Variants in HEPHL1 observed in about 807,000 individuals in gnomAD.
HEPHL1 encodes the protein hephaestin like 1, also known as ferroxidase HEPHL1.
HEPHL1 carries 123 observed loss-of-function variants against 122.0 expected under a neutral mutation model. The ratio of observed to expected loss-of-function variants is 1.01; its 90% CI spans 0.87 to 1.17. The LOEUF (loss-of-function observed/expected upper bound fraction) is 1.17. Ranked by LOEUF, HEPHL1 falls within the 50% of genes most tolerant of loss-of-function variation. The pLI, the probability that HEPHL1 is intolerant of heterozygous loss-of-function variation, is 0.00. For synonymous variants in HEPHL1, 527 were observed against 508.9 expected (o/e 1.04, Z -0.48); for missense variants, 1,452 against 1,430.5 (o/e 1.01, Z -0.24).
chr11:94,101,089 C>A (rs1946363878), intron 13 of HEPHL1, 106 bp from the exon 14 acceptor site: 1 of 1,297,280 alleles, frequency 7.7e-7, no homozygotes, highest in Non-Finnish European at 1.1e-6. Context: ...CTCGGAAAAA[C>A]AACTAAAGCC....
chr11:94,037,229 G>A (rs1264280295), intron 1 of HEPHL1, among the ~76,000 whole-genome samples: 1 of 152,126 alleles, frequency 6.6e-6, no homozygotes, highest in Non-Finnish European at 1.5e-5. Flanking sequence ...CGCCCACGGA[G>A]TCTCGCTGAT....
intron 2 of HEPHL1, chr11:94,054,914 CA>C (rs1945923247): frequency 6.6e-6 from 1 of 152,310 alleles, no homozygotes; most frequent in East Asian, 1.9e-4. Context: ...CACTTTAAGC[CA>C]ATCATGAAAT....
chr11:94,103,139 C>A, intron 15 of HEPHL1, 119 bp downstream of exon 15: 1 of 664,566 alleles, frequency 1.5e-6, no homozygotes. Flanking sequence ...GCAAGGGTCT[C>A]ATACTATGGC....
intron 1 of HEPHL1, among the ~76,000 whole-genome samples, chr11:94,044,002 C>T (rs996139208): frequency 6.6e-6 from 1 of 151,790 alleles, no homozygotes; most frequent in Non-Finnish European, 1.5e-5. Flanking sequence ...AAGATGTGGC[C>T]TCTTACCCCC....
At chr11:94,028,767 A>T (rs1945647448) in intron 1 of HEPHL1, among the ~76,000 whole-genome samples, 1 of 152,196 alleles carries the variant, frequency 6.6e-6, no homozygotes, top group African/African-American at 2.4e-5. Context: ...AATATACTCC[A>T]TTTAAATTGG....
intron 13 of HEPHL1, among the ~76,000 whole-genome samples, chr11:94,099,004 C>G (rs574794888): frequency 1.3e-5 from 2 of 152,324 alleles, no homozygotes; most frequent in South Asian, 2.1e-4. Flanking sequence ...AAGCCTTCTT[C>G]TCTCAACTCG....
chr11:94,042,883 A>AAAAAAAAAAAAAAAAC (rs1555058775), intron 1 of HEPHL1, among the ~76,000 whole-genome samples: 10 of 132,412 alleles, frequency 7.6e-5, no homozygotes, highest in Middle Eastern at 3.9e-3. Context: ...AATAAAAAAA[A>AAAAAAAAAAAAAAAAC]AAAAAAAAAA....
At chr11:94,105,421 GT>G (rs1406861415) in intron 16 of HEPHL1, among the ~76,000 whole-genome samples, 1 of 152,100 alleles carries the variant, frequency 6.6e-6, no homozygotes, top group African/African-American at 2.4e-5. Flanking sequence ...AGGTCATTTG[GT>G]TGCACCACAA....
intron 1 of HEPHL1, among the ~76,000 whole-genome samples, chr11:94,037,130 C>G (rs1328551319): frequency 6.6e-6 from 1 of 152,184 alleles, no homozygotes; most frequent in Non-Finnish European, 1.5e-5. Flanking sequence ...AAAATCGGGT[C>G]ACTCCCACCC....
At chr11:94,052,280 C>G (rs1025289443) in intron 2 of HEPHL1, among the ~76,000 whole-genome samples, 1 of 151,752 alleles carries the variant, frequency 6.6e-6, no homozygotes, top group Non-Finnish European at 1.5e-5. Flanking sequence ...TTTTTTTGTC[C>G]TCTTCAATTT....
At chr11:94,078,216 C>T (rs1431677739) in intron 9 of HEPHL1, among the ~76,000 whole-genome samples, 1 of 152,032 alleles carries the variant, frequency 6.6e-6, no homozygotes, top group Non-Finnish European at 1.5e-5. Context: ...CCATATTACA[C>T]ACATCTTAAA....
chr11:94,075,332 G>A lies in HEPHL1; in HGVS notation c.1663G>A (p.Val555Ile). 6.2e-7 allele frequency: 1 copy of A among 1,613,474 alleles called. No homozygotes were observed. Among genetic ancestry groups the A allele is most frequent in the Admixed American group, 1.7e-5 (1 of 59,918 alleles). Residue 555 changes from valine (V) to isoleucine (I), a missense_variant, in exon 9 of 20, where the codon GTA becomes ATA. Val to Ile is a conservative substitution (Grantham distance 29). Transcript: ENST00000315765. ...DPIKDTSSGL[V>I]GPLLVCKKGV... ...AATTAAGGACACCAGCTCTGGCCTG[G>A]TAGGGCCTTTGCTAGTCTGTAAAAA... is the stretch of plus-strand genomic sequence containing the variant.
At chr11:94,023,357 C>T in intron 1 of HEPHL1, among the ~76,000 whole-genome samples, 1 of 152,176 alleles carries the variant, frequency 6.6e-6, no homozygotes, top group East Asian at 1.9e-4. Context: ...TTCCTAGAAG[C>T]ATATTGAAAG....
intron 4 of HEPHL1, among the ~76,000 whole-genome samples, chr11:94,065,741 T>C (rs972017440): frequency 3.3e-5 from 5 of 152,214 alleles, no homozygotes; most frequent in African/African-American, 1.2e-4. Context: ...GGAGTGATGA[T>C]CTCAAATATT....
At chr11:94,096,451 T>C (rs956677869) in intron 13 of HEPHL1, among the ~76,000 whole-genome samples, 1 of 152,228 alleles carries the variant, frequency 6.6e-6, no homozygotes, top group Non-Finnish European at 1.5e-5. Flanking sequence ...TTTGCATCAA[T>C]GTTCATTAGG....
chr11:94,069,701 T>A (rs1352780291), intron 5 of HEPHL1, among the ~76,000 whole-genome samples: 1 of 152,174 alleles, frequency 6.6e-6, no homozygotes, highest in Non-Finnish European at 1.5e-5. Context: ...CAATACTCTA[T>A]TGCTTAATGC....
chr11:94,085,402 G>A (rs1946208520), intron 10 of HEPHL1, among the ~76,000 whole-genome samples: 1 of 152,042 alleles, frequency 6.6e-6, no homozygotes, highest in African/African-American at 2.4e-5. Flanking sequence ...TTTACTCAAA[G>A]ACTAACCTCA....
chr11:94,088,330 C>T (rs1946234654), intron 11 of HEPHL1, among the ~76,000 whole-genome samples: 2 of 152,068 alleles, frequency 1.3e-5, no homozygotes, highest in African/African-American at 4.8e-5. Flanking sequence ...TCCTTTAGGG[C>T]AAAATACTCA....
intron 1 of HEPHL1, among the ~76,000 whole-genome samples, chr11:94,034,732 G>A (rs1277577234): frequency 1.3e-5 from 2 of 152,152 alleles, no homozygotes; most frequent in Admixed American, 1.3e-4. Context: ...GCAAGCAGAT[G>A]CCACCCTGGG....
Sources: gnomAD v4.1 joint callset for allele counts (sites outside exome capture counted in the v4.1 genomes callset) on GRCh38, gnomAD v4.1.1 for gene constraint, MANE v1.5 for transcripts, NCBI Gene and HGNC (gene_info 2026-07-23, HGNC 2026-07-21) for gene names.